UCK2: variants seen among roughly 807,000 people sequenced by gnomAD.
UCK2 encodes uridine-cytidine kinase 2.
A neutral mutation model predicts 30.8 loss-of-function variants in UCK2; 6 were observed. That is an observed-to-expected ratio of 0.19 (90% CI 0.11 to 0.38). UCK2 has a LOEUF of 0.38. Among genes scored for constraint, UCK2 ranks in the 10% least tolerant of loss-of-function variants. The pLI is 1.00. For synonymous variants in UCK2, 125 were observed against 133.6 expected (o/e 0.94, Z 0.45); for missense variants, 210 against 339.8 (o/e 0.62, Z 3.00).
intron 1 of UCK2, among the ~76,000 whole-genome samples, chr1:165,857,752 G>A (rs889281215): frequency 6.6e-5 from 10 of 152,158 alleles, no homozygotes; most frequent in African/African-American, 2.2e-4. Context: ...CATTACCACT[G>A]TATACCACAT....
chr1:165,898,485 C>T (rs1427496726), intron 4 of UCK2, among the ~76,000 whole-genome samples: 2 of 152,170 alleles, frequency 1.3e-5, no homozygotes, highest in Non-Finnish European at 1.5e-5. Flanking sequence ...TGGTTAGATC[C>T]TCCAAGGGGA....
chr1:165,870,812 A>G (rs1245920526), intron 1 of UCK2, among the ~76,000 whole-genome samples: 6 of 152,194 alleles, frequency 3.9e-5, no homozygotes, highest in Non-Finnish European at 8.8e-5. Context: ...ATTGGACAAA[A>G]ATTCCTTGTT....
intron 4 of UCK2, among the ~76,000 whole-genome samples, chr1:165,898,898 A>G (rs1250118256): frequency 6.6e-6 from 1 of 152,116 alleles, no homozygotes; most frequent in African/African-American, 2.4e-5. Flanking sequence ...CTAACTTCAC[A>G]TGTCACCTAC....
chr1:165,840,595 AG>A (rs1654303888), intron 1 of UCK2, among the ~76,000 whole-genome samples: 1 of 152,158 alleles, frequency 6.6e-6, no homozygotes, highest in Admixed American at 6.5e-5. Flanking sequence ...AGTGATAAGG[AG>A]CCTTTATAGT....
chr1:165,866,544 G>A (rs979721203), intron 1 of UCK2, among the ~76,000 whole-genome samples: 3 of 152,036 alleles, frequency 2.0e-5, no homozygotes, highest in African/African-American at 7.3e-5. Context: ...TATACATAAC[G>A]TAAAATTTAT....
chr1:165,903,380 C>T lies in UCK2; in HGVS notation c.597+101C>T, dbSNP rs567811232. 2.7e-5 allele frequency: 26 copies of T among 963,026 alleles called. No individual in the cohort carries two copies. In the African/African-American group the frequency reaches 3.6e-4, roughly 13 times the overall value. 59.7% of individuals were successfully genotyped at this position (963,026 alleles called of 1,614,324 possible). A position where few individuals can be genotyped will look rare whatever the true frequency, so the allele number is the denominator to read the frequency against. On this transcript the variant is annotated intron_variant, in intron 5 of 6. Coordinates refer to ENST00000367879, the MANE Select transcript of UCK2 (RefSeq NM_012474.5). ...TTGTGGAGCTCCCCTGCCTGAATCT[C>T]ACTCCTCTCTCTGAGTGATCCTCTG...
intron 1 of UCK2, among the ~76,000 whole-genome samples, chr1:165,889,993 C>T (rs935691637): frequency 6.6e-6 from 1 of 152,100 alleles, no homozygotes; most frequent in Non-Finnish European, 1.5e-5. Context: ...TCCTCTAGCT[C>T]CATCCATGTT....
intron 1 of UCK2, 68 bp from the exon 2 acceptor site, chr1:165,890,136 C>T (rs1364260779): frequency 6.3e-7 from 1 of 1,576,000 alleles, no homozygotes; most frequent in East Asian, 2.3e-5. Context: ...CTTGGTTACT[C>T]TCGGGACTTC....
intron 1 of UCK2, among the ~76,000 whole-genome samples, chr1:165,888,178 G>T (rs948015982): frequency 1.3e-5 from 2 of 151,990 alleles, no homozygotes; most frequent in Non-Finnish European, 2.9e-5. Flanking sequence ...TCATATTTTT[G>T]TTGTTGTTGT....
At chr1:165,866,892 A>G (rs956945986) in intron 1 of UCK2, among the ~76,000 whole-genome samples, 3 of 152,216 alleles carry the variant, frequency 2.0e-5, no homozygotes, top group Non-Finnish European at 2.9e-5. Flanking sequence ...TTATTCATCA[A>G]TAGGCACTGG....
chr1:165,872,316 C>T (rs555342270), intron 1 of UCK2, among the ~76,000 whole-genome samples: 11 of 152,330 alleles, frequency 7.2e-5, no homozygotes, highest in African/African-American at 2.6e-4. Flanking sequence ...GTCAAGTGAT[C>T]TGCCCGCCTT....
At chr1:165,878,312 C>T (rs1239539412) in intron 1 of UCK2, among the ~76,000 whole-genome samples, 1 of 150,808 alleles carries the variant, frequency 6.6e-6, no homozygotes, top group East Asian at 1.9e-4. Context: ...CTTTTCATGG[C>T]TTGCCAGCTC....
At chr1:165,875,200 G>A (rs1478956030) in intron 1 of UCK2, among the ~76,000 whole-genome samples, 3 of 152,158 alleles carry the variant, frequency 2.0e-5, no homozygotes, top group Non-Finnish European at 2.9e-5. Flanking sequence ...GCCCATTTGT[G>A]GAACAGGTAT....
chr1:165,895,856 A>T (rs1346427825), intron 3 of UCK2: 1 of 211,872 alleles, frequency 4.7e-6, no homozygotes, highest in Non-Finnish European at 8.9e-6. Context: ...AGAGAAAAAA[A>T]GAAATCACAT....
Position 165,838,432 on chromosome 1 carries a change from G to A in UCK2, c.99+10500G>A, listed in dbSNP as rs117456531. 3.0e-4 allele frequency among the ~76,000 whole-genome samples: 46 copies of A among 152,236 alleles called. No individual in the cohort carries two copies. In the East Asian group the frequency reaches 6.2e-3, roughly 20 times the overall value. On this transcript the variant is annotated intron_variant, in intron 1 of 6. Transcript: ENST00000367879. The stretch of plus-strand genomic sequence containing the variant: ...CAGGGCATCTCTTGATATCAGTATC[G>A]TTAACCACCTTCCCTCCTTCAAGTG...
chr1:165,904,444 C>T (rs1647583583), intron 5 of UCK2, among the ~76,000 whole-genome samples: 1 of 152,178 alleles, frequency 6.6e-6, no homozygotes, highest in South Asian at 2.1e-4. Context: ...AACTTCTTTC[C>T]ACCCAGTTAT....
At chr1:165,905,516 A>G (rs1170840901) in intron 5 of UCK2, among the ~76,000 whole-genome samples, 1 of 152,174 alleles carries the variant, frequency 6.6e-6, no homozygotes, top group Non-Finnish European at 1.5e-5. Flanking sequence ...GAGAATTTGA[A>G]TAAAAGCTAA....
Position 165,827,914 on chromosome 1 carries a change from G to C in UCK2, c.81G>C (p.Gly27=), listed in dbSNP as rs1358131894. ...AGCCCTTCCTTATAGGCGTCAGCGG[G>C]GGAACAGCTAGCGGCAAGGTACGGC... ...GGEPFLIGVS[G]GTASGKSSVC... The change falls in exon 1 of 7, where the codon GGG becomes GGC. Residue 27 remains glycine (G), a synonymous_variant. Coordinates refer to ENST00000367879, the MANE Select transcript of UCK2 (RefSeq NM_012474.5). 6.9e-7 allele frequency: 1 copy of C among 1,449,996 alleles called. No individual in the cohort carries two copies. Among genetic ancestry groups the C allele is most frequent in the Non-Finnish European group, 9.2e-7 (1 of 1,092,134 alleles). 89.8% of individuals were successfully genotyped at this position (1,449,996 alleles called of 1,614,324 possible). A position where few individuals can be genotyped will look rare whatever the true frequency, so the allele number is the denominator to read the frequency against.
intron 1 of UCK2, among the ~76,000 whole-genome samples, chr1:165,873,477 A>G: frequency 6.6e-6 from 1 of 152,240 alleles, no homozygotes; most frequent in Middle Eastern, 3.2e-3. Context: ...CTTTTTAGAA[A>G]AAGATTATTA....
Sources: gnomAD v4.1 joint callset for allele counts (sites outside exome capture counted in the v4.1 genomes callset) on GRCh38, gnomAD v4.1.1 for gene constraint, MANE v1.5 for transcripts, NCBI Gene and HGNC (gene_info 2026-07-23, HGNC 2026-07-21) for gene names.